The following ALG13 variants were observed in gnomAD, a reference collection of about 807,000 sequenced individuals.
ALG13 encodes the protein ALG13 UDP-N-acetylglucosaminyltransferase subunit.
In ALG13, 11 loss-of-function variants were observed where a neutral mutation model predicts 87.8. The observed-to-expected ratio is 0.13, with a 90% CI of 0.08 to 0.21. ALG13 has a LOEUF of 0.21. Among genes scored for constraint, ALG13 ranks in the 10% least tolerant of loss-of-function variants. The pLI, the probability that ALG13 is intolerant of heterozygous loss-of-function variation, is 1.00. For missense variants in ALG13, 756 were observed against 866.1 expected (o/e 0.87, Z 1.60); for synonymous variants, 320 against 306.3 (o/e 1.04, Z -0.47).
intron 3 of ALG13, among the ~76,000 whole-genome samples, chrX:111,699,690 A>T (rs1937469171): frequency 1.8e-5 from 2 of 111,577 alleles, no homozygotes; most frequent in South Asian, 7.4e-4. Context: ...AAAATTGACC[A>T]TAAATGTTTA....
chrX:111,712,131 T>C (rs1482580665), intron 6 of ALG13, among the ~76,000 whole-genome samples: 1 of 112,242 alleles, frequency 8.9e-6, no homozygotes, highest in Non-Finnish European at 1.9e-5. Context: ...TATTTAGAAA[T>C]AATTTTTATG....
At chrX:111,683,715 T>A (rs943226605) in intron 2 of ALG13, among the ~76,000 whole-genome samples, 4 of 111,606 alleles carry the variant, frequency 3.6e-5, no homozygotes, top group Admixed American at 1.9e-4. Context: ...TCAATCTCCT[T>A]GCTCTCATTT....
chrX:111,722,315 A>C (rs1602716646), intron 12 of ALG13, among the ~76,000 whole-genome samples: 1 of 111,728 alleles, frequency 9.0e-6, no homozygotes, highest in East Asian at 2.8e-4. Flanking sequence ...TTCTCTCCTT[A>C]TAAGATAACT....
chrX:111,748,449 G>A (rs1043738553), intron 24 of ALG13, among the ~76,000 whole-genome samples: 1 of 111,882 alleles, frequency 8.9e-6, no homozygotes, highest in Non-Finnish European at 1.9e-5. Context: ...CATTTTGAGT[G>A]ACCTTTTTGT....
intron 22 of ALG13, 144 bp from the exon 23 acceptor site, chrX:111,736,570 C>A: frequency 2.0e-6 from 1 of 495,285 alleles, no homozygotes; most frequent in Non-Finnish European, 3.2e-6. Context: ...AAGAAATAAC[C>A]TTCCTATATA....
At chrX:111,705,965 C>G (rs938045778) in intron 3 of ALG13, among the ~76,000 whole-genome samples, 5 of 111,799 alleles carry the variant, frequency 4.5e-5, no homozygotes, top group Admixed American at 3.8e-4. Context: ...ATATATCATA[C>G]TTATTTTTAG....
intron 14 of ALG13, 113 bp downstream of exon 14, chrX:111,724,011 CTGT>C: frequency 4.2e-6 from 2 of 474,638 alleles, no homozygotes; most frequent in South Asian, 8.0e-5. Flanking sequence ...ATTGTATCTA[CTGT>C]TGGCCTAGGA....
chrX:111,730,383 T>G lies in ALG13; in HGVS notation c.2369-12T>G, dbSNP rs370618825. The G allele has an allele frequency of 5.0e-6, 6 of 1,207,440 alleles. No homozygotes were observed. Among genetic ancestry groups the G allele is most frequent in the African/African-American group, 1.7e-5 (1 of 57,880 alleles). On this transcript the variant is annotated splice_polypyrimidine_tract_variant and intron_variant, in intron 19 of 26. Coordinates refer to ENST00000394780, the MANE Select transcript of ALG13 (RefSeq NM_001099922.3). ...ATAAACACATTTCTTCTGTCTTGTC[T>G]TTTTTCCCCAGGGCGATATCATGAA...
Position 111,730,481 on chromosome X carries a change from G to A in ALG13, c.2402-44G>A, listed in dbSNP as rs200984842. On this transcript the variant is annotated intron_variant, in intron 20 of 26. Transcript: ENST00000394780. ...TTCATCATTGTTTATAGAATTTCAAGCTATAAAATAATGCTCATTTTTTAC... is the reference window on the plus strand; with the variant it reads ...TTCATCATTGTTTATAGAATTTCAAACTATAAAATAATGCTCATTTTTTAC... 207 of 1,191,388 alleles carry A rather than the reference G, an allele frequency of 1.7e-4. 1 individual carries two copies. The highest frequency in any genetic ancestry group is 1.3e-4 in the Admixed American group (6 of 44,936).
At chrX:111,686,815 AAAGG>A (rs1470864704) in intron 3 of ALG13, among the ~76,000 whole-genome samples, 4 of 112,464 alleles carry the variant, frequency 3.6e-5, no homozygotes, top group Admixed American at 1.9e-4. Context: ...CTCATGCTGA[AAAGG>A]AAGGAAACTG....
intron 5 of ALG13, among the ~76,000 whole-genome samples, chrX:111,709,339 A>AT (rs1414613565): frequency 8.9e-6 from 1 of 112,458 alleles, no homozygotes; most frequent in Non-Finnish European, 1.9e-5. Flanking sequence ...TTGCTGTTTT[A>AT]TATTATCCAT....
At chrX:111,754,401 A>G (rs1210133378) in intron 25 of ALG13, among the ~76,000 whole-genome samples, 1 of 111,985 alleles carries the variant, frequency 8.9e-6, no homozygotes, top group Non-Finnish European at 1.9e-5. Context: ...CCTATTCAGC[A>G]TAGTATAGGA....
chrX:111,731,126 T>C (rs990034057), intron 21 of ALG13, among the ~76,000 whole-genome samples: 1 of 111,982 alleles, frequency 8.9e-6, no homozygotes, highest in African/African-American at 3.2e-5. Context: ...ATCATTCAAC[T>C]TGCCCTCCCT....
intron 26 of ALG13, among the ~76,000 whole-genome samples, chrX:111,759,197 A>G (rs1945542448): frequency 9.3e-6 from 1 of 107,484 alleles, no homozygotes; most frequent in African/African-American, 3.4e-5. Flanking sequence ...CAAGGTTAAA[A>G]CAGCATTTAT....
chrX:111,684,521 C>G (rs748629997), intron 2 of ALG13, among the ~76,000 whole-genome samples: 50 of 111,014 alleles, frequency 4.5e-4, no homozygotes, highest in African/African-American at 1.6e-3. Flanking sequence ...GACAAGGTCT[C>G]TCTATGTTGC....
intron 19 of ALG13, 43 bp from the exon 20 acceptor site, chrX:111,730,352 A>T: frequency 8.5e-7 from 1 of 1,172,135 alleles, no homozygotes; most frequent in Non-Finnish European, 1.2e-6. Context: ...AGCTAAAAAG[A>T]CCTATATAAA....
intron 6 of ALG13, among the ~76,000 whole-genome samples, chrX:111,712,020 A>G (rs1939857690): frequency 8.9e-6 from 1 of 111,989 alleles, no homozygotes; most frequent in Non-Finnish European, 1.9e-5. Flanking sequence ...GGAGGGTGGT[A>G]ATGAATTTTA....
intron 11 of ALG13, among the ~76,000 whole-genome samples, chrX:111,720,415 A>G (rs900635320): frequency 8.9e-6 from 1 of 112,167 alleles, no homozygotes. Context: ...TTCAAGAGCA[A>G]TATGTTTTTA....
At chrX:111,720,576 G>A (rs933094840) in intron 11 of ALG13, among the ~76,000 whole-genome samples, 1 of 111,204 alleles carries the variant, frequency 9.0e-6, no homozygotes, top group Non-Finnish European at 1.9e-5. Flanking sequence ...TTCACCATCC[G>A]TATAGGACTA....
Sources: allele counts gnomAD v4.1 joint callset (sites outside exome capture counted in the v4.1 genomes callset), GRCh38; gene constraint gnomAD v4.1.1; transcripts MANE v1.5; gene names NCBI Gene and HGNC (gene_info 2026-07-23, HGNC 2026-07-21).